The following HDAC9 variants were observed in gnomAD, a reference collection of about 807,000 sequenced individuals.
The protein encoded by HDAC9 is MEF-2 interacting transcription repressor (MITR) protein.
A neutral mutation model predicts 139.4 loss-of-function variants in HDAC9; 41 were observed. The observed-to-expected ratio is 0.29, with a 90% CI of 0.23 to 0.38. HDAC9 has a LOEUF of 0.38. HDAC9 is among the 10% of genes least tolerant of loss of function. The pLI is 1.00. For synonymous variants in HDAC9, 517 were observed against 476.2 expected (o/e 1.09, Z -1.12); for missense variants, 1,147 against 1,297.0 (o/e 0.88, Z 1.78).
At chr7:18,826,521 G>T (rs1013942344) in intron 17 of HDAC9, among the ~76,000 whole-genome samples, 7 of 152,142 alleles carry the variant, frequency 4.6e-5, no homozygotes, top group African/African-American at 1.7e-4. Flanking sequence ...TTCAACCTAA[G>T]ATTAAGCAGT....
At chr7:18,953,898 G>A (rs1021884789) in intron 23 of HDAC9, among the ~76,000 whole-genome samples, 1 of 152,070 alleles carries the variant, frequency 6.6e-6, no homozygotes, top group Admixed American at 6.6e-5. Flanking sequence ...GCACAGACAT[G>A]CACCTGCTTC....
At chr7:18,638,378 C>T (rs1046110394) in intron 8 of HDAC9, among the ~76,000 whole-genome samples, 1 of 152,020 alleles carries the variant, frequency 6.6e-6, no homozygotes, top group Non-Finnish European at 1.5e-5. Flanking sequence ...AAAGGGAAGA[C>T]AGAAGTAGGA....
intron 12 of HDAC9, among the ~76,000 whole-genome samples, chr7:18,699,118 G>A (rs1007166681): frequency 6.6e-6 from 1 of 152,112 alleles, no homozygotes; most frequent in Non-Finnish European, 1.5e-5. Context: ...CTCCCTAACT[G>A]TGTCAACTGG....
intron 1 of HDAC9, among the ~76,000 whole-genome samples, chr7:18,369,684 A>G (rs1023938996): frequency 6.6e-6 from 1 of 152,020 alleles, no homozygotes; most frequent in Admixed American, 6.6e-5. Flanking sequence ...CAAGATATCT[A>G]CTATTGTTTT....
intron 1 of HDAC9, among the ~76,000 whole-genome samples, chr7:18,361,022 A>G (rs947894383): frequency 5.3e-5 from 8 of 152,182 alleles, no homozygotes; most frequent in African/African-American, 1.4e-4. Context: ...GCTTCTTCCA[A>G]AAGAGCCTAG....
At chr7:18,155,768 A>G (rs1052056559) in intron 1 of HDAC9, among the ~76,000 whole-genome samples, 9 of 152,300 alleles carry the variant, frequency 5.9e-5, no homozygotes, top group African/African-American at 2.2e-4. Context: ...AACCTTTGGC[A>G]GTGCAGGTGG....
intron 2 of HDAC9, among the ~76,000 whole-genome samples, chr7:18,581,789 T>A (rs1358139229): frequency 6.6e-6 from 1 of 152,196 alleles, no homozygotes; most frequent in Non-Finnish European, 1.5e-5. Flanking sequence ...AAGTTCTACA[T>A]TGGGTGCTAC....
chr7:18,400,326 C>T, intron 1 of HDAC9, among the ~76,000 whole-genome samples: 1 of 152,148 alleles, frequency 6.6e-6, no homozygotes, highest in East Asian at 1.9e-4. Flanking sequence ...AAATTTCCAA[C>T]ATAACTGCTG....
chr7:18,486,750 A>G (rs1796002745), intron 1 of HDAC9, among the ~76,000 whole-genome samples: 1 of 152,150 alleles, frequency 6.6e-6, no homozygotes, highest in Admixed American at 6.6e-5. Context: ...TATTGATAAT[A>G]TGAAACATGT....
chr7:18,743,904 A>C (rs1787686484), intron 13 of HDAC9, among the ~76,000 whole-genome samples: 1 of 151,838 alleles, frequency 6.6e-6, no homozygotes, highest in African/African-American at 2.4e-5. Context: ...TCCGTCTTTA[A>C]AAAAATTTTT....
At chr7:18,110,665 G>T (rs762738778) in intron 1 of HDAC9, among the ~76,000 whole-genome samples, 8 of 152,164 alleles carry the variant, frequency 5.3e-5, no homozygotes, top group Non-Finnish European at 7.3e-5. Flanking sequence ...ACACCTGATA[G>T]ATTATTAGAC....
chr7:18,988,263 T>C (rs575219342), intron 25 of HDAC9, among the ~76,000 whole-genome samples: 16 of 152,316 alleles, frequency 1.1e-4, no homozygotes, highest in African/African-American at 3.8e-4. Context: ...GTATGTTGTG[T>C]CTTTGTTCTC....
chr7:18,226,032 C>T (rs1584731040), intron 2 of HDAC9, among the ~76,000 whole-genome samples: 1 of 152,016 alleles, frequency 6.6e-6, no homozygotes, highest in African/African-American at 2.4e-5. Flanking sequence ...CCCATTATTC[C>T]ATCTTCCAAA....
chr7:18,776,331 G>A (rs987445023), intron 16 of HDAC9, among the ~76,000 whole-genome samples: 1 of 152,014 alleles, frequency 6.6e-6, no homozygotes, highest in African/African-American at 2.4e-5. Flanking sequence ...TCAAAGACCA[G>A]TGCTCACTGG....
At chr7:18,431,171 A>G (rs1012615806) in intron 1 of HDAC9, among the ~76,000 whole-genome samples, 2 of 152,188 alleles carry the variant, frequency 1.3e-5, no homozygotes, top group African/African-American at 4.8e-5. Context: ...TGCTTGAAAC[A>G]CTGTGGATAC....
At chr7:18,318,400 C>A (rs1456298309) in intron 1 of HDAC9, among the ~76,000 whole-genome samples, 2 of 152,140 alleles carry the variant, frequency 1.3e-5, no homozygotes, top group Admixed American at 6.5e-5. Context: ...TTTTCAATAA[C>A]AAATGGAATG....
rs71017013 is a variant in HDAC9, at chr7:18,929,949, A to AAG, written c.2804-5860_2804-5859insAG. Among the ~76,000 whole-genome samples, 91 of 151,704 alleles carry AAG rather than the reference A, an allele frequency of 6.0e-4. 1 individual carries two copies. In the Middle Eastern group the frequency reaches 0.01, roughly 17 times the overall value. On this transcript the variant is annotated intron_variant, in intron 22 of 25. Coordinates refer to ENST00000686413, the MANE Select transcript of HDAC9 (RefSeq NM_178425.4). The stretch of plus-strand genomic sequence containing the variant: ...GCAAGACGCCGCCTCAAAAAAAAAA[A>AAG]TATCTGAAACAATATGATTTCTTAG...
At position 18,591,574 on chromosome 7, in the gene HDAC9, A is replaced by C. The variant is rs1321032030; in HGVS notation, c.474A>C (p.Ser158=). Residue 158 remains serine, a synonymous_variant, in exon 5 of 26, where the codon TCA becomes TCC. Transcript: ENST00000686413. ...QKLQEFLLSK[S]ATKDTPTNGK... ...TTCAAGAGTTCCTACTGAGTAAATC[A>C]GCAACGAAAGACACTCCAACTAATG... 1.9e-6 allele frequency: 3 copies of C among 1,613,390 alleles called. No homozygotes were observed. The highest frequency in any genetic ancestry group is 1.7e-5 in the Admixed American group (1 of 59,816).
chr7:18,511,369 C>A (rs1801449975), intron 2 of HDAC9, among the ~76,000 whole-genome samples: 1 of 152,098 alleles, frequency 6.6e-6, no homozygotes, highest in Non-Finnish European at 1.5e-5. Flanking sequence ...CACATAGTTT[C>A]AAATCTGAAT....
Sources: allele counts gnomAD v4.1 joint callset (sites outside exome capture counted in the v4.1 genomes callset), GRCh38; gene constraint gnomAD v4.1.1; transcripts MANE v1.5; gene names NCBI Gene and HGNC (gene_info 2026-07-23, HGNC 2026-07-21).